The following RTN1 variants were observed in gnomAD, a reference collection of about 807,000 sequenced individuals.
RTN1 encodes reticulon 1.
Under a neutral mutation model 65.5 loss-of-function variants are expected in RTN1, and 25 were observed. That is an observed-to-expected ratio of 0.38 (90% CI 0.28 to 0.53). RTN1 has a LOEUF of 0.53. Among genes scored for constraint, RTN1 ranks in the 20% least tolerant of loss-of-function variants. The pLI, the probability that RTN1 is intolerant of heterozygous loss-of-function variation, is 0.79. For missense variants in RTN1, 983 were observed against 1,025.4 expected, an observed-to-expected ratio of 0.96 and a Z score of 0.57; for synonymous variants, 471 against 447.6, an observed-to-expected ratio of 1.05 and a Z score of -0.66.
At chr14:59,673,221 A>G (rs558804075) in intron 3 of RTN1, among the ~76,000 whole-genome samples, 1 of 152,246 alleles carries the variant, frequency 6.6e-6, no homozygotes, top group East Asian at 1.9e-4. Context: ...GGGGAGTCCC[A>G]AGGTCTGAGC....
intron 2 of RTN1, among the ~76,000 whole-genome samples, chr14:59,738,986 A>C (rs1430680272): frequency 6.6e-6 from 1 of 152,048 alleles, no homozygotes; most frequent in African/African-American, 2.4e-5. Flanking sequence ...AGCAACACAC[A>C]CTGGGGCCTG....
chr14:59,750,485 A>G (rs1327292852), intron 1 of RTN1, among the ~76,000 whole-genome samples: 3 of 50,482 alleles, frequency 5.9e-5, no homozygotes, highest in Non-Finnish European at 1.1e-4. Context: ...ATATATCTAT[A>G]ATATATATAT....
At chr14:59,685,698 C>T (rs1883832410) in intron 3 of RTN1, among the ~76,000 whole-genome samples, 1 of 152,116 alleles carries the variant, frequency 6.6e-6, no homozygotes, top group Non-Finnish European at 1.5e-5. Flanking sequence ...ATCTCATATT[C>T]ATGAATTAGA....
intron 1 of RTN1, among the ~76,000 whole-genome samples, chr14:59,777,390 C>A (rs186646327): frequency 6.6e-6 from 1 of 152,212 alleles, no homozygotes; most frequent in Admixed American, 6.6e-5. Context: ...GGAAATAGAC[C>A]AGATTATATT....
chr14:59,769,143 A>C (rs1030491290), intron 1 of RTN1, among the ~76,000 whole-genome samples: 1 of 152,180 alleles, frequency 6.6e-6, no homozygotes, highest in African/African-American at 2.4e-5. Flanking sequence ...ATTTTTAAAA[A>C]AGTGTTCATT....
chr14:59,649,727 G>A (rs557386976), intron 3 of RTN1, among the ~76,000 whole-genome samples: 1 of 152,268 alleles, frequency 6.6e-6, no homozygotes, highest in African/African-American at 2.4e-5. Flanking sequence ...TGAGAATGGT[G>A]AGTATTAAAA....
rs761199782 is a variant in RTN1 at position 59,596,385 on chromosome 14, C to T, written c.*360G>A. ...TCCACTATTGCATCAGAGCACTCGG[C>T]AGGAAAGGCCTAGCCACGGGGAACA... On this transcript the variant is annotated 3_prime_UTR_variant, in exon 9 of 9. Transcript: ENST00000267484. 1.7e-5 allele frequency: 3 copies of T among 171,804 alleles called. No individual in the cohort carries two copies. The highest frequency in any genetic ancestry group is 3.7e-5 in the Non-Finnish European group (3 of 80,670). 10.6% of individuals were successfully genotyped at this position (171,804 alleles called of 1,614,324 possible).
chr14:59,601,461 G>C (rs1459603405), intron 8 of RTN1, among the ~76,000 whole-genome samples: 1 of 152,068 alleles, frequency 6.6e-6, no homozygotes, highest in Non-Finnish European at 1.5e-5. Context: ...AATTTTGTCT[G>C]CACCACTGGG....
intron 1 of RTN1, among the ~76,000 whole-genome samples, chr14:59,869,954 G>A (rs1422543206): frequency 6.6e-6 from 1 of 152,074 alleles, no homozygotes; most frequent in African/African-American, 2.4e-5. Flanking sequence ...GGGCCTGCCC[G>A]CCGCTCGGTT....
At chr14:59,652,865 A>G (rs1393391853) in intron 3 of RTN1, among the ~76,000 whole-genome samples, 1 of 152,184 alleles carries the variant, frequency 6.6e-6, no homozygotes, top group Non-Finnish European at 1.5e-5. Context: ...AAAACAATCT[A>G]ATCTGAAGAA....
At chr14:59,745,049 C>T (rs987457588) in intron 2 of RTN1, among the ~76,000 whole-genome samples, 2 of 152,070 alleles carry the variant, frequency 1.3e-5, no homozygotes, top group East Asian at 1.9e-4. Context: ...AAAGAGTTAA[C>T]GGATTAATGG....
intron 3 of RTN1, among the ~76,000 whole-genome samples, chr14:59,684,797 G>A (rs1203511907): frequency 1.3e-5 from 2 of 152,020 alleles, no homozygotes; most frequent in African/African-American, 4.8e-5. Flanking sequence ...GTTTGGGTGG[G>A]TATAGAAGTC....
At chr14:59,673,302 T>G (rs17804446) in intron 3 of RTN1, among the ~76,000 whole-genome samples, 54,540 of 151,770 alleles carry the variant, frequency 0.36, 11,112 homozygotes, top group East Asian at 0.47. Flanking sequence ...TTTTCTCTCT[T>G]GTTGCTCGGC....
chr14:59,853,597 C>T (rs2139666329), intron 1 of RTN1, among the ~76,000 whole-genome samples: 1 of 152,294 alleles, frequency 6.6e-6, no homozygotes, highest in African/African-American at 2.4e-5. Context: ...CATGTTCCAA[C>T]CTTCCCATCT....
Position 59,775,051 on chromosome 14 carries a change from T to C in RTN1, c.242-28570A>G, listed in dbSNP as rs541630888. On this transcript the variant is annotated intron_variant, in intron 1 of 8. Coordinates refer to ENST00000267484, the MANE Select transcript of RTN1 (RefSeq NM_021136.3). Reference sequence around the variant, plus strand: ...ATAAGGTATTACCGGGATGTAGTTGTCCAGCTAGGGAGTACATTTCCCAGC... The same window carrying C: ...ATAAGGTATTACCGGGATGTAGTTGCCCAGCTAGGGAGTACATTTCCCAGC... Among the ~76,000 whole-genome samples the C allele has an allele frequency of 2.0e-5, 3 of 152,282 alleles. No individual in the cohort carries two copies. The South Asian group carries it at 6.2e-4, about 32-fold the overall frequency.
intron 1 of RTN1, among the ~76,000 whole-genome samples, chr14:59,747,338 A>T (rs967192144): frequency 6.6e-6 from 1 of 152,206 alleles, no homozygotes; most frequent in Non-Finnish European, 1.5e-5. Context: ...GGCCAGGTGC[A>T]GTGGCTCACG....
rs531466341 is a variant in RTN1 at position 59,759,347 on chromosome 14, C to T, written c.242-12866G>A. On this transcript the variant is annotated intron_variant, in intron 1 of 8. Transcript: ENST00000267484. ...GGTTCAAATGCATGGCTTGGAATACCGACTCCCCCATTTACAAGCTGTGTG... is the reference window on the plus strand; with the variant it reads ...GGTTCAAATGCATGGCTTGGAATACTGACTCCCCCATTTACAAGCTGTGTG... 4.6e-5 allele frequency among the ~76,000 whole-genome samples: 7 copies of T among 152,118 alleles called. No individual in the cohort carries two copies. In the South Asian group the frequency reaches 1.2e-3, roughly 27 times the overall value.
intron 1 of RTN1, among the ~76,000 whole-genome samples, chr14:59,851,130 A>T (rs542088881): frequency 6.6e-6 from 1 of 152,348 alleles, no homozygotes; most frequent in African/African-American, 2.4e-5. Context: ...GCTTCCAAAG[A>T]TTCATATTGA....
At chr14:59,765,544 G>T (rs1404771868) in intron 1 of RTN1, among the ~76,000 whole-genome samples, 1 of 152,176 alleles carries the variant, frequency 6.6e-6, no homozygotes, top group African/African-American at 2.4e-5. Flanking sequence ...ATGAATCTGT[G>T]ATGTTTGAAG....
Sources: allele counts gnomAD v4.1 joint callset (sites outside exome capture counted in the v4.1 genomes callset), GRCh38; gene constraint gnomAD v4.1.1; transcripts MANE v1.5; gene names NCBI Gene and HGNC (gene_info 2026-07-23, HGNC 2026-07-21).